MAU2: variants seen among roughly 807,000 people sequenced by gnomAD.
MAU2 encodes the protein MAU2 sister chromatid cohesion factor.
MAU2 carries 9 observed loss-of-function variants against 89.1 expected under a neutral mutation model. The ratio of observed to expected loss-of-function variants is 0.10; its 90% CI spans 0.06 to 0.18. The LOEUF (loss-of-function observed/expected upper bound fraction) is 0.18. MAU2 is among the 10% of genes least tolerant of loss of function. The probability of loss-of-function intolerance (pLI) is 1.00; values close to 1 mark genes in which losing one functional copy is unlikely to be tolerated. For missense variants in MAU2, 425 were observed against 803.5 expected, an observed-to-expected ratio of 0.53 and a Z score of 5.69; for synonymous variants, 357 against 343.4, an observed-to-expected ratio of 1.04 and a Z score of -0.44.
rs1453050089 is a variant in MAU2, at chr19:19,358,638, G to A, written c.*2856G>A. ...TTTTCAGCTGGTGCTTTTACTTAGG[G>A]AAAAAAACAATTTGTAAATACAGAA... is the stretch of plus-strand genomic sequence containing the variant. On this transcript the variant is annotated 3_prime_UTR_variant, in exon 19 of 19. Coordinates refer to ENST00000262815, the MANE Select transcript of MAU2 (RefSeq NM_015329.4). 1 of 152,138 alleles carries A rather than the reference G, an allele frequency of 6.6e-6. No homozygotes were observed. Among genetic ancestry groups the A allele is most frequent in the East Asian group, 1.9e-4 (1 of 5,202 alleles). 9.4% of individuals were successfully genotyped at this position (152,138 alleles called of 1,614,324 possible).
intron 1 of MAU2, among the ~76,000 whole-genome samples, chr19:19,332,326 A>ATTTTT (rs35913129): frequency 2.9e-5 from 3 of 101,972 alleles, no homozygotes; most frequent in African/African-American, 4.0e-5. Flanking sequence ...TGCCTGGCTG[A>ATTTTT]TTTTTTTTTT....
intron 12 of MAU2, 124 bp from the exon 13 acceptor site, chr19:19,347,156 G>A (rs2061699695): frequency 1.5e-6 from 1 of 678,240 alleles, no homozygotes; most frequent in Non-Finnish European, 2.7e-6. Flanking sequence ...AAACAAGTGT[G>A]TTTGAAATGA....
intron 9 of MAU2, 75 bp from the exon 10 acceptor site, chr19:19,343,762 G>A (rs1373931734): frequency 4.5e-6 from 5 of 1,102,190 alleles, no homozygotes; most frequent in South Asian, 2.5e-5. Flanking sequence ...CAGGAACGAG[G>A]TGGGGGCACG....
intron 17 of MAU2, 127 bp from the exon 18 acceptor site, chr19:19,355,137 C>T (rs1053298645): frequency 3.6e-5 from 44 of 1,229,066 alleles, no homozygotes; most frequent in Non-Finnish European, 4.2e-5. Context: ...GGTCCAGTGA[C>T]GTGCCAGGCA....
intron 1 of MAU2, among the ~76,000 whole-genome samples, chr19:19,324,899 C>G (rs904248731): frequency 6.6e-6 from 1 of 152,184 alleles, no homozygotes; most frequent in Admixed American, 6.5e-5. Flanking sequence ...AGCATGCTTT[C>G]TTTCATCTTC....
chr19:19,355,786 C>T lies in MAU2; in HGVS notation c.*4C>T, dbSNP rs754101700. 3.1e-6 allele frequency: 5 copies of T among 1,605,486 alleles called. No individual in the cohort carries two copies. In the Admixed American group the frequency reaches 6.7e-5, roughly 21 times the overall value. ...CAGCCTGGCCAGCCTCCTGTGAGGCCTTGATGGGGCCATCCAGCTCCGCAG... is the reference window on the plus strand; with the variant it reads ...CAGCCTGGCCAGCCTCCTGTGAGGCTTTGATGGGGCCATCCAGCTCCGCAG... On this transcript the variant is annotated 3_prime_UTR_variant, in exon 19 of 19. Transcript: ENST00000262815.
At chr19:19,330,466 C>T (rs565712642) in intron 1 of MAU2, among the ~76,000 whole-genome samples, 235 of 152,132 alleles carry the variant, frequency 1.5e-3, no homozygotes, top group African/African-American at 5.5e-3. Context: ...GCCTGCCAGG[C>T]GCCATGGCTC....
At chr19:19,326,706 A>ATATATATATACACATATATGTATGTG (rs1555792839) in intron 1 of MAU2, among the ~76,000 whole-genome samples, 4 of 87,010 alleles carry the variant, frequency 4.6e-5, no homozygotes, top group African/African-American at 1.4e-4. Context: ...ATATATGTAT[A>ATATATATATACACATATATGTATGTG]TATATATATA....
intron 1 of MAU2, among the ~76,000 whole-genome samples, chr19:19,330,177 G>C (rs1036481274): frequency 6.6e-6 from 1 of 151,568 alleles, no homozygotes; most frequent in African/African-American, 2.4e-5. Flanking sequence ...ATGGGGTTTT[G>C]CCATGTTGCC....
chr19:19,346,548 G>T (rs2061694397), intron 12 of MAU2, among the ~76,000 whole-genome samples: 1 of 152,120 alleles, frequency 6.6e-6, no homozygotes. Context: ...ACGTCTCAGA[G>T]CATCTGTGCT....
At chr19:19,340,695 CAG>C in intron 5 of MAU2, 149 bp from the exon 6 acceptor site, 2 of 513,244 alleles carry the variant, frequency 3.9e-6, no homozygotes, top group Non-Finnish European at 6.8e-6. Context: ...TAGGATAAAA[CAG>C]AGCAGTCTTG....
At chr19:19,325,906 A>G (rs991026103) in intron 1 of MAU2, among the ~76,000 whole-genome samples, 1 of 151,972 alleles carries the variant, frequency 6.6e-6, no homozygotes, top group Admixed American at 6.6e-5. Context: ...CTTTCTCTCT[A>G]AGAGACCCCA....
chr19:19,325,105 C>T (rs2061493884), intron 1 of MAU2, among the ~76,000 whole-genome samples: 3 of 152,142 alleles, frequency 2.0e-5, no homozygotes, highest in Admixed American at 2.0e-4. Flanking sequence ...CAGTATTTTG[C>T]AATAGTTTGT....
rs1027218979 is a variant in MAU2, at chr19:19,345,899, G to C, written c.1221+530G>C. ...GGCTGGTGCCACATCCTCACGGAGC[G>C]CCCCAGCCCAGGGCTGGACCATTGT... On this transcript the variant is annotated intron_variant, in intron 12 of 18. Transcript: ENST00000262815. The surrounding 1 kb of genome is among the most constrained non-coding windows in gnomAD (Gnocchi z 4.9). Among the ~76,000 whole-genome samples, 1 of 152,148 alleles carries C rather than the reference G, an allele frequency of 6.6e-6. No individual in the cohort carries two copies. The highest frequency in any genetic ancestry group is 6.5e-5 in the Admixed American group (1 of 15,282).
intron 5 of MAU2, among the ~76,000 whole-genome samples, chr19:19,339,976 G>C (rs2061628068): frequency 6.6e-6 from 1 of 151,770 alleles, no homozygotes; most frequent in African/African-American, 2.4e-5. Context: ...AGACCATCCT[G>C]TGAATGGTGA....
chr19:19,324,061 C>T (rs532134944), intron 1 of MAU2, among the ~76,000 whole-genome samples: 25 of 152,260 alleles, frequency 1.6e-4, no homozygotes, highest in Admixed American at 1.6e-3. Context: ...TCAGCAATGG[C>T]TAAAACAGTT....
At position 19,341,416 on chromosome 19, in the gene MAU2, C is replaced by G. The variant is rs768681897; in HGVS notation, c.735+9C>G. On this transcript the variant is annotated intron_variant, in intron 7 of 18. Transcript: ENST00000262815. ...ATCTGGATGCCGGGCAGGTGTGTGG[C>G]GCCTCTCAGGCGAGCTGCTGGTTGT... 1.4e-5 allele frequency: 23 copies of G among 1,613,036 alleles called. No homozygotes were observed. Among genetic ancestry groups the G allele is most frequent in the Non-Finnish European group, 3.4e-6 (4 of 1,179,858 alleles).
rs1006130548 is a variant in MAU2, at chr19:19,337,262, C to T, written c.453C>T (p.Leu151=). Residue 151 remains leucine (L), a synonymous_variant, in exon 4 of 19, where the codon CTC becomes CTT. Coordinates refer to ENST00000262815, the MANE Select transcript of MAU2 (RefSeq NM_015329.4). ...PYWHCRLLFQ[L]AQLHTLEKDL... ...GGCACTGCCGCCTGCTCTTCCAGCT[C>T]GCTGTGAGTACCGCGGCCCGGGAAC... 26 of 1,613,132 alleles carry T rather than the reference C, an allele frequency of 1.6e-5. No individual in the cohort carries two copies. The highest frequency in any genetic ancestry group is 2.2e-5 in the East Asian group (1 of 44,876).
chr19:19,331,174 CAT>C (rs1356132612), intron 1 of MAU2, among the ~76,000 whole-genome samples: 1 of 151,214 alleles, frequency 6.6e-6, no homozygotes, highest in Non-Finnish European at 1.5e-5. Flanking sequence ...AGGAAGGAAA[CAT>C]AAAAGCTACT....
Sources: gnomAD v4.1 joint callset for allele counts (sites outside exome capture counted in the v4.1 genomes callset) on GRCh38, gnomAD v4.1.1 for gene constraint, Gnocchi (gnomAD v3.1) non-coding constraint, MANE v1.5 for transcripts, NCBI Gene and HGNC (gene_info 2026-07-23, HGNC 2026-07-21) for gene names.